GTF2E2: variants seen among roughly 807,000 people sequenced by gnomAD.
GTF2E2 encodes the protein transcription initiation factor IIE subunit beta.
GTF2E2 carries 21 observed loss-of-function variants against 40.5 expected under a neutral mutation model. The ratio of observed to expected loss-of-function variants is 0.52; its 90% confidence interval spans 0.37 to 0.75. GTF2E2 has a LOEUF of 0.75. Ranked by LOEUF, GTF2E2 falls within the 30% of genes least tolerant of loss-of-function variation. The pLI is 0.00. For synonymous variants in GTF2E2, 117 were observed against 121.6 expected (o/e 0.96, Z 0.25); for missense variants, 298 against 338.4 (o/e 0.88, Z 0.94).
chr8:30,631,706 C>T (rs1184079350), intron 3 of GTF2E2, among the ~76,000 whole-genome samples: 1 of 152,044 alleles, frequency 6.6e-6, no homozygotes, highest in Admixed American at 6.6e-5. Context: ...CATTAATTAC[C>T]CAAATAAAAA....
rs191670555 is a variant in GTF2E2 at position 30,584,186 on chromosome 8, G to C, written c.644-3790C>G. Among the ~76,000 whole-genome samples the C allele has an allele frequency of 3.4e-5, 5 of 147,026 alleles. No homozygotes were observed. The South Asian group carries it at 1.1e-3, about 33-fold the overall frequency. ...CCTTCATGTTGGTTCCTATGTCCCT[G>C]ACTTGCTTCCCTTTTTTTTTTTTTC... On this transcript the variant is annotated intron_variant, in intron 6 of 7. Transcript: ENST00000355904.
At chr8:30,614,534 C>T in intron 4 of GTF2E2, 74 bp downstream of exon 4, 1 of 824,532 alleles carries the variant, frequency 1.2e-6, no homozygotes. Flanking sequence ...TGCAACAGAG[C>T]AAGACTCTGT....
intron 2 of GTF2E2, among the ~76,000 whole-genome samples, chr8:30,647,672 A>T (rs1203852117): frequency 6.6e-6 from 1 of 152,246 alleles, no homozygotes; most frequent in Non-Finnish European, 1.5e-5. Context: ...ACAAACACAA[A>T]TAATATAACC....
intron 2 of GTF2E2, among the ~76,000 whole-genome samples, chr8:30,647,441 G>A (rs1036128876): frequency 2.0e-5 from 3 of 152,112 alleles, no homozygotes; most frequent in Non-Finnish European, 4.4e-5. Context: ...AAATTAGCCA[G>A]ACATGGGAAT....
chr8:30,624,915 T>C (rs1369279343), intron 3 of GTF2E2, among the ~76,000 whole-genome samples: 8 of 151,832 alleles, frequency 5.3e-5, no homozygotes, highest in African/African-American at 1.5e-4. Flanking sequence ...TGGGCTGAGA[T>C]GATGGGGTTT....
At chr8:30,598,149 G>A (rs554353432) in intron 6 of GTF2E2, among the ~76,000 whole-genome samples, 1 of 152,162 alleles carries the variant, frequency 6.6e-6, no homozygotes, top group East Asian at 1.9e-4. Flanking sequence ...AACAATAAAG[G>A]CAAAATGGGA....
intron 6 of GTF2E2, among the ~76,000 whole-genome samples, chr8:30,593,071 G>C (rs983144128): frequency 6.6e-6 from 1 of 152,196 alleles, no homozygotes. Context: ...GCACGTGCCT[G>C]TAGTCCCAGC....
intron 6 of GTF2E2, among the ~76,000 whole-genome samples, chr8:30,604,008 G>A (rs1829253369): frequency 6.6e-6 from 1 of 152,058 alleles, no homozygotes; most frequent in Admixed American, 6.5e-5. Flanking sequence ...AAGGACATAA[G>A]CAAATAAAAC....
intron 3 of GTF2E2, among the ~76,000 whole-genome samples, chr8:30,622,250 A>G (rs780133173): frequency 3.6e-4 from 54 of 151,576 alleles, no homozygotes; most frequent in Non-Finnish European, 4.9e-4. Context: ...CAGTTTGAAA[A>G]ATAAAGGGAC....
Position 30,607,101 on chromosome 8 carries a change from A to AC in GTF2E2, c.598_599insG (p.Ile200SerfsTer6). The AC allele has an allele frequency of 1.3e-6, 2 of 1,494,302 alleles. No individual in the cohort carries two copies. The highest frequency in any genetic ancestry group is 1.8e-6 in the Non-Finnish European group (2 of 1,083,328). 92.6% of individuals were successfully genotyped at this position (1,494,302 alleles called of 1,614,324 possible). A position where few individuals can be genotyped will look rare whatever the true frequency, so the allele number is the denominator to read the frequency against. ...ACAGCTCTTATCATTGAAGAAAAGT[A>AC]TTTTCTTCTTATCGGGACGATTTAC... On this transcript the variant is annotated frameshift_variant, in exon 6 of 8. Transcript: ENST00000355904. LOFTEE classifies it high-confidence loss of function.
At chr8:30,594,554 T>TAA (rs1191425204) in intron 6 of GTF2E2, among the ~76,000 whole-genome samples, 26 of 132,918 alleles carry the variant, frequency 2.0e-4, no homozygotes, top group Admixed American at 3.1e-4. Flanking sequence ...AATGGATCTT[T>TAA]AAAAAAAAAA....
At chr8:30,631,057 T>G (rs768241000) in intron 3 of GTF2E2, among the ~76,000 whole-genome samples, 4 of 152,088 alleles carry the variant, frequency 2.6e-5, no homozygotes, top group Non-Finnish European at 5.9e-5. Context: ...CGACAAGGTC[T>G]CAATGTGTCG....
intron 6 of GTF2E2, among the ~76,000 whole-genome samples, chr8:30,604,296 G>A (rs1308681582): frequency 1.3e-5 from 2 of 152,032 alleles, no homozygotes; most frequent in African/African-American, 2.4e-5. Context: ...GTGTAAGGGT[G>A]GTTAAATATT....
chr8:30,592,473 C>A (rs538825985), intron 6 of GTF2E2, among the ~76,000 whole-genome samples: 1 of 152,328 alleles, frequency 6.6e-6, no homozygotes, highest in South Asian at 2.1e-4. Context: ...ACGGCTCACA[C>A]ACATCGTTCA....
chr8:30,632,881 A>G (rs1378411237), intron 3 of GTF2E2, among the ~76,000 whole-genome samples: 1 of 152,158 alleles, frequency 6.6e-6, no homozygotes, highest in Admixed American at 6.6e-5. Context: ...GATATCACAA[A>G]ATTTCCATTA....
At chr8:30,633,998 G>A (rs1346506542) in intron 3 of GTF2E2, among the ~76,000 whole-genome samples, 2 of 152,138 alleles carry the variant, frequency 1.3e-5, no homozygotes, top group African/African-American at 4.8e-5. Context: ...CCAATAGATG[G>A]ATGAAATTAA....
At chr8:30,639,237 T>C (rs1035329375) in intron 2 of GTF2E2, among the ~76,000 whole-genome samples, 1 of 152,210 alleles carries the variant, frequency 6.6e-6, no homozygotes, top group African/African-American at 2.4e-5. Flanking sequence ...GGTATCACTA[T>C]ATGGGCTGCA....
intron 3 of GTF2E2, among the ~76,000 whole-genome samples, chr8:30,622,754 C>T (rs1193771341): frequency 6.6e-6 from 1 of 152,018 alleles, no homozygotes; most frequent in Admixed American, 6.5e-5. Context: ...ATGCTCCTTG[C>T]TGAGAAAAAG....
chr8:30,582,309 G>A (rs1422673904), intron 6 of GTF2E2, among the ~76,000 whole-genome samples: 1 of 152,170 alleles, frequency 6.6e-6, no homozygotes, highest in African/African-American at 2.4e-5. Context: ...CAGGTGTCGA[G>A]CCACCATGTC....
Sources: gnomAD v4.1 joint callset for allele counts (sites outside exome capture counted in the v4.1 genomes callset) on GRCh38, gnomAD v4.1.1 for gene constraint, MANE v1.5 for transcripts, NCBI Gene and HGNC (gene_info 2026-07-23, HGNC 2026-07-21) for gene names.